Variants in ZBTB20 observed in about 807,000 individuals in gnomAD.
ZBTB20 encodes zinc finger and BTB domain containing 20.
In ZBTB20, 9 loss-of-function variants were observed where a neutral mutation model predicts 56.9. The ratio of observed to expected loss-of-function variants is 0.16; its 90% confidence interval spans 0.10 to 0.28. The LOEUF is 0.28. ZBTB20 is among the 10% of genes least tolerant of loss of function. ZBTB20 has a pLI of 1.00. For synonymous variants in ZBTB20, 417 were observed against 420.7 expected, an observed-to-expected ratio of 0.99 and a Z score of 0.11; for missense variants, 655 against 1,003.0, an observed-to-expected ratio of 0.65 and a Z score of 4.69.
In ZBTB20 at chr3:114,335,777, A is replaced by C. The variant is rs1329548419; in HGVS notation, c.*3228T>G. 2 of 152,190 alleles carry C rather than the reference A, an allele frequency of 1.3e-5. No homozygotes were observed. The highest frequency in any genetic ancestry group is 1.9e-4 in the East Asian group (1 of 5,200). 9.4% of individuals were successfully genotyped at this position (152,190 alleles called of 1,614,324 possible). ...CTACAATGATTATATCACCTCATTA[A>C]GAATTCTTTAGGGATCCTCCACCTC... On this transcript the variant is annotated 3_prime_UTR_variant, in exon 12 of 12. Transcript: ENST00000675478.
At chr3:114,447,003 A>ATGT (rs1157127058) in intron 7 of ZBTB20, among the ~76,000 whole-genome samples, 22 of 152,320 alleles carry the variant, frequency 1.4e-4, no homozygotes, top group African/African-American at 5.1e-4. Flanking sequence ...ACTTGGTACC[A>ATGT]GGAAGAGACA....
chr3:114,766,092 T>G (rs1416415453), intron 5 of ZBTB20, among the ~76,000 whole-genome samples: 1 of 152,102 alleles, frequency 6.6e-6, no homozygotes, highest in African/African-American at 2.4e-5. Flanking sequence ...AAACTACTAA[T>G]AAATGGGGTT....
chr3:114,909,957 AAAAC>A (rs1176160196), intron 3 of ZBTB20, among the ~76,000 whole-genome samples: 2 of 152,074 alleles, frequency 1.3e-5, no homozygotes, highest in Middle Eastern at 3.2e-3. Flanking sequence ...AGGGAAATGA[AAAAC>A]AAAAATGTAA....
chr3:114,554,929 ATAGTTTATGTTGAAATATACATT>A (rs1410079995), intron 6 of ZBTB20, among the ~76,000 whole-genome samples: 3 of 152,162 alleles, frequency 2.0e-5, no homozygotes, highest in Non-Finnish European at 4.4e-5. Flanking sequence ...GCTTTGCCTC[ATAGTTTATGTTGAAATATACATT>A]TTTATGAAAT....
At chr3:115,070,783 A>G (rs993839334) in intron 2 of ZBTB20, among the ~76,000 whole-genome samples, 2 of 152,106 alleles carry the variant, frequency 1.3e-5, no homozygotes, top group Non-Finnish European at 1.5e-5. Flanking sequence ...TACCCAAAGC[A>G]TAAACATATA....
chr3:114,474,388 C>T (rs139738982), intron 7 of ZBTB20, among the ~76,000 whole-genome samples: 94 of 152,302 alleles, frequency 6.2e-4, no homozygotes, highest in African/African-American at 2.2e-3. Flanking sequence ...ATGTGGCATT[C>T]CAAATATGGT....
rs752985984 is a variant in ZBTB20 at position 114,911,124 on chromosome 3, A to C, written c.-455-10782T>G. On this transcript the variant is annotated intron_variant, in intron 3 of 11. Coordinates refer to ENST00000675478, the MANE Select transcript of ZBTB20 (RefSeq NM_001348800.3). Reference sequence around the variant, plus strand: ...CAATAAAAATTTTCTAGTTATCCCAAAAAAAAAAGTGCCCTAGTTGAAACT... The same window carrying C: ...CAATAAAAATTTTCTAGTTATCCCACAAAAAAAAGTGCCCTAGTTGAAACT... Among the ~76,000 whole-genome samples the C allele has an allele frequency of 4.7e-3, 36 of 7,648 alleles. No individual in the cohort carries two copies. In the Admixed American group the frequency reaches 0.053, roughly 11 times the overall value. 5.0% of individuals were successfully genotyped at this position (7,648 alleles called of 152,430 possible).
At chr3:114,882,105 T>C (rs1261882431) in intron 4 of ZBTB20, among the ~76,000 whole-genome samples, 3 of 151,828 alleles carry the variant, frequency 2.0e-5, no homozygotes, top group Non-Finnish European at 4.4e-5. Context: ...TACAAACCAA[T>C]AAAATATTTT....
chr3:114,992,035 T>C (rs1359708183), intron 2 of ZBTB20, among the ~76,000 whole-genome samples: 2 of 151,950 alleles, frequency 1.3e-5, no homozygotes, highest in Non-Finnish European at 2.9e-5. Flanking sequence ...CTAAACTTTT[T>C]TTTTGTAATA....
intron 3 of ZBTB20, among the ~76,000 whole-genome samples, chr3:114,973,450 G>T (rs941020231): frequency 6.6e-6 from 1 of 152,094 alleles, no homozygotes; most frequent in African/African-American, 2.4e-5. Flanking sequence ...CTTGGGGCTG[G>T]CTGGTTTTTA....
intron 6 of ZBTB20, among the ~76,000 whole-genome samples, chr3:114,514,978 A>G (rs540261832): frequency 1.3e-5 from 2 of 152,228 alleles, no homozygotes; most frequent in African/African-American, 4.8e-5. Flanking sequence ...TCTTTTCCTA[A>G]GGATTAGCAT....
intron 5 of ZBTB20, among the ~76,000 whole-genome samples, chr3:114,699,279 A>G (rs941337526): frequency 7.2e-5 from 11 of 152,260 alleles, no homozygotes; most frequent in African/African-American, 1.9e-4. Context: ...AACGTAATTC[A>G]TCTTTTAAAA....
chr3:114,943,492 G>C (rs2076787963), intron 3 of ZBTB20, among the ~76,000 whole-genome samples: 1 of 145,468 alleles, frequency 6.9e-6, no homozygotes, highest in African/African-American at 2.8e-5. Context: ...TATGGTTTCA[G>C]AGGTAAAGGA....
intron 6 of ZBTB20, among the ~76,000 whole-genome samples, chr3:114,535,636 T>C (rs2048373982): frequency 6.6e-6 from 1 of 152,184 alleles, no homozygotes; most frequent in Non-Finnish European, 1.5e-5. Flanking sequence ...CCCTAACTCT[T>C]TTTATGAGGC....
At chr3:114,469,722 C>A (rs1309995652) in intron 7 of ZBTB20, among the ~76,000 whole-genome samples, 1 of 152,140 alleles carries the variant, frequency 6.6e-6, no homozygotes, top group African/African-American at 2.4e-5. Flanking sequence ...TCAACAATGG[C>A]ATTTAAACTG....
At position 114,532,557 on chromosome 3, in the gene ZBTB20, G is replaced by A. The variant is rs148967949; in HGVS notation, c.-294-32166C>T. ...CCTGGGGGAAGGGGCAGCTGTGGGC[G>A]CAGTTTCAGCAGACTTAAACGTTCC... is the stretch of plus-strand genomic sequence containing the variant. On this transcript the variant is annotated intron_variant, in intron 6 of 11. Transcript: ENST00000675478. Among the ~76,000 whole-genome samples the A allele has an allele frequency of 9.1e-4, 139 of 152,302 alleles. No individual in the cohort carries two copies. The East Asian group carries it at 0.02, about 22-fold the overall frequency.
chr3:115,034,478 A>C (rs2108360455), intron 2 of ZBTB20, among the ~76,000 whole-genome samples: 1 of 152,050 alleles, frequency 6.6e-6, no homozygotes, highest in South Asian at 2.1e-4. Flanking sequence ...CTAAGAAAAC[A>C]ATTCCATATA....
intron 5 of ZBTB20, among the ~76,000 whole-genome samples, chr3:114,759,849 A>G (rs1241840786): frequency 6.6e-6 from 1 of 152,136 alleles, no homozygotes; most frequent in Non-Finnish European, 1.5e-5. Context: ...CATTTAACTG[A>G]CAATCCATGG....
At chr3:114,880,632 T>C (rs1265259530) in intron 4 of ZBTB20, among the ~76,000 whole-genome samples, 1 of 152,166 alleles carries the variant, frequency 6.6e-6, no homozygotes, top group East Asian at 1.9e-4. Flanking sequence ...ATAATATTCA[T>C]TGTAATTCAT....
Sources: gnomAD v4.1 joint callset for allele counts (sites outside exome capture counted in the v4.1 genomes callset) on GRCh38, gnomAD v4.1.1 for gene constraint, MANE v1.5 for transcripts, NCBI Gene and HGNC (gene_info 2026-07-23, HGNC 2026-07-21) for gene names.